The following BAZ2B variants were observed in gnomAD, a reference collection of about 807,000 sequenced individuals.
The protein encoded by BAZ2B is bromodomain adjacent to zinc finger domain protein 2B.
Under a neutral mutation model 246.0 loss-of-function variants are expected in BAZ2B, and 91 were observed. That is an observed-to-expected ratio of 0.37 (90% CI 0.31 to 0.44). The LOEUF (loss-of-function observed/expected upper bound fraction) is 0.44, where lower values mean the gene tolerates loss of function less well. BAZ2B is among the 20% of genes least tolerant of loss of function. The pLI is 1.00. For missense variants in BAZ2B, 2,332 were observed against 2,533.7 expected (o/e 0.92, Z 1.71); for synonymous variants, 855 against 860.0 (o/e 0.99, Z 0.10).
the BAZ2B span, among the ~76,000 whole-genome samples, chr2:159,673,252 T>C: frequency 6.6e-6 from 1 of 152,126 alleles, no homozygotes; most frequent in Non-Finnish European, 1.5e-5. Flanking sequence ...CTTAAACATA[T>C]GAAAATACAT....
At chr2:159,360,557 C>T (rs1289605208) in intron 27 of BAZ2B, among the ~76,000 whole-genome samples, 3 of 129,544 alleles carry the variant, frequency 2.3e-5, no homozygotes, top group African/African-American at 7.8e-5. Context: ...AATGCTGTCC[C>T]CATCAAGCTA....
chr2:159,331,221 G>A (rs2064703210), intron 34 of BAZ2B, among the ~76,000 whole-genome samples: 1 of 152,168 alleles, frequency 6.6e-6, no homozygotes, highest in Admixed American at 6.5e-5. Context: ...GGATGCAGAA[G>A]GACAGCAGAT....
At chr2:159,635,845 T>C in the BAZ2B span, among the ~76,000 whole-genome samples, 3 of 152,150 alleles carry the variant, frequency 2.0e-5, no homozygotes, top group Admixed American at 6.5e-5. Flanking sequence ...GGTATCTTAC[T>C]CTTTAAAACA....
At chr2:159,506,769 C>G (rs1025278431) in intron 2 of BAZ2B, among the ~76,000 whole-genome samples, 1 of 152,170 alleles carries the variant, frequency 6.6e-6, no homozygotes, top group Non-Finnish European at 1.5e-5. Context: ...TGAAAACTTT[C>G]CTTTTGGGAT....
At chr2:159,491,728 A>AAAAAAAAAAAAAG (rs2080519217) in intron 2 of BAZ2B, among the ~76,000 whole-genome samples, 1 of 143,620 alleles carries the variant, frequency 7.0e-6, no homozygotes, top group African/African-American at 2.6e-5. Flanking sequence ...CTCAAAAAAA[A>AAAAAAAAAAAAAG]AAAAAAAAAA....
intron 2 of BAZ2B, among the ~76,000 whole-genome samples, chr2:159,531,320 A>C (rs1276033656): frequency 1.3e-5 from 2 of 152,196 alleles, no homozygotes; most frequent in African/African-American, 2.4e-5. Flanking sequence ...TTCTAAAAAA[A>C]ATTTTTTTCG....
intron 1 of BAZ2B, among the ~76,000 whole-genome samples, chr2:159,596,686 C>T (rs1404817275): frequency 6.6e-6 from 1 of 152,166 alleles, no homozygotes; most frequent in Non-Finnish European, 1.5e-5. Flanking sequence ...CCACTTCCTA[C>T]CCTTTCCCCC....
chr2:159,398,765 T>C (rs62171541), intron 18 of BAZ2B, 64 bp downstream of exon 18: 162,077 of 1,416,036 alleles, frequency 0.11, 10,652 homozygotes, highest in Non-Finnish European at 0.13. Flanking sequence ...ATATAACTGA[T>C]GCCAGTATAA....
chr2:159,508,472 A>G lies in BAZ2B; in HGVS notation c.-2-29751T>C, dbSNP rs560679457. Among the ~76,000 whole-genome samples, 3 of 152,298 alleles carry G rather than the reference A, an allele frequency of 2.0e-5. No individual in the cohort carries two copies. In the East Asian group the frequency reaches 5.8e-4, roughly 29 times the overall value. The stretch of plus-strand genomic sequence containing the variant: ...GATTATTGAAATTTTGCTTTTAACC[A>G]AGTGGAAACTTATTTCCCAAAAGAT... On this transcript the variant is annotated intron_variant, in intron 2 of 36. Transcript: ENST00000392783.
At chr2:159,575,390 T>C (rs1031823975) in intron 1 of BAZ2B, among the ~76,000 whole-genome samples, 3 of 152,136 alleles carry the variant, frequency 2.0e-5, no homozygotes, top group South Asian at 2.1e-4. Context: ...GTGAAGTCAA[T>C]TCAACAGGCA....
At chr2:159,348,957 C>T in intron 29 of BAZ2B, 50 bp downstream of exon 29, 1 of 1,590,596 alleles carries the variant, frequency 6.3e-7, no homozygotes, top group Non-Finnish European at 8.6e-7. Context: ...TACAGGAATC[C>T]ATAATATTGA....
chr2:159,395,778 T>C lies in BAZ2B; in HGVS notation c.3066A>G (p.Lys1022=), dbSNP rs2063931116. The C allele has an allele frequency of 1.2e-6, 2 of 1,610,112 alleles. No individual in the cohort carries two copies. The highest frequency in any genetic ancestry group is 2.7e-5 in the African/African-American group (2 of 74,806). ...MMLMKAMEAR[K]KAEEKERLKQ... is the part of the protein sequence containing the mutation. ...AGAAACATACACTTACTTCTGCTTT[T>C]TTACGAGCTTCCATAGCTTTCATAA... Residue 1022 remains lysine, a synonymous_variant, in exon 20 of 37, where the codon AAA becomes AAG. Transcript: ENST00000392783.
chr2:159,418,479 T>A (rs1027508632), intron 13 of BAZ2B, among the ~76,000 whole-genome samples: 1 of 152,212 alleles, frequency 6.6e-6, no homozygotes. Flanking sequence ...ATATGTGGTT[T>A]AGCAGCCACA....
chr2:159,538,015 TAGG>T (rs898683691), intron 2 of BAZ2B, among the ~76,000 whole-genome samples: 6 of 152,104 alleles, frequency 3.9e-5, no homozygotes, highest in African/African-American at 1.2e-4. Flanking sequence ...TTTGTTTGTT[TAGG>T]AGGAGTCTCA....
In BAZ2B at chr2:159,325,768, C is replaced by A. The variant is rs550099510; in HGVS notation, c.6094G>T (p.Asp2032Tyr). 1.2e-5 allele frequency: 20 copies of A among 1,603,156 alleles called. No homozygotes were observed. Among genetic ancestry groups the A allele is most frequent in the Non-Finnish European group, 1.7e-5 (20 of 1,177,546 alleles). Residue 2032 changes from aspartate (D) to tyrosine (Y), a missense_variant, in exon 35 of 37, where the codon GAC becomes TAC. Coordinates refer to ENST00000392783, the MANE Select transcript of BAZ2B (RefSeq NM_013450.4). ...TSSSLKRGNKDLKKRKMEENT... is the reference protein window; with the variant it reads ...TSSSLKRGNKYLKKRKMEENT... The stretch of plus-strand genomic sequence containing the variant: ...TCCTCCATTTTTCTTTTCTTGAGGT[C>A]TTTGTTTCCTCTTTTTAGTGAACTA...
chr2:159,378,435 T>TAA (rs1159622013), intron 25 of BAZ2B, among the ~76,000 whole-genome samples: 6 of 152,090 alleles, frequency 3.9e-5, no homozygotes, highest in African/African-American at 1.4e-4. Context: ...ACACAGGGAA[T>TAA]AAAAGCAAAA....
the BAZ2B span, among the ~76,000 whole-genome samples, chr2:159,697,388 T>A: frequency 6.6e-6 from 1 of 152,122 alleles, no homozygotes; most frequent in African/African-American, 2.4e-5. Flanking sequence ...ACTCCTACCA[T>A]AACAAACAAT....
intron 2 of BAZ2B, among the ~76,000 whole-genome samples, chr2:159,521,337 A>G (rs1285011643): frequency 6.6e-6 from 1 of 152,138 alleles, no homozygotes; most frequent in Non-Finnish European, 1.5e-5. Flanking sequence ...AAAGAATATT[A>G]TTCAATTTTC....
intron 13 of BAZ2B, among the ~76,000 whole-genome samples, chr2:159,421,613 CATCTT>C (rs1432794103): frequency 6.6e-6 from 1 of 152,144 alleles, no homozygotes; most frequent in Non-Finnish European, 1.5e-5. Flanking sequence ...ACACACCTCT[CATCTT>C]ATTGTACTAT....
Sources: allele counts gnomAD v4.1 joint callset (sites outside exome capture counted in the v4.1 genomes callset), GRCh38; gene constraint gnomAD v4.1.1; transcripts MANE v1.5; gene names NCBI Gene and HGNC (gene_info 2026-07-23, HGNC 2026-07-21).